TBC1D15: variants seen among roughly 807,000 people sequenced by gnomAD.
The protein encoded by TBC1D15 is TBC1 domain family member 15, also known as GAP for RAB7.
In TBC1D15, 39 loss-of-function variants were observed where a neutral mutation model predicts 95.4. The ratio of observed to expected loss-of-function variants is 0.41; its 90% CI spans 0.32 to 0.53. The LOEUF (loss-of-function observed/expected upper bound fraction) is 0.53. Ranked by LOEUF, TBC1D15 falls within the 20% of genes least tolerant of loss-of-function variation. The probability of loss-of-function intolerance (pLI) is 0.29; values close to 1 mark genes in which losing one functional copy is unlikely to be tolerated. For synonymous variants in TBC1D15, 258 were observed against 261.3 expected (o/e 0.99, Z 0.12); for missense variants, 733 against 794.3 (o/e 0.92, Z 0.93).
At chr12:71,894,303 G>T in intron 6 of TBC1D15, 1 of 1,611,030 alleles carries the variant, frequency 6.2e-7, no homozygotes, top group East Asian at 2.2e-5. Context: ...CACACTTCAA[G>T]AAATATTTTT....
Position 71,839,792 on chromosome 12 carries a change from C to T in TBC1D15, c.11C>T (p.Ala4Val), listed in dbSNP as rs577416716. MAAAGVVSGKIIYE... is the reference protein window; with the variant it reads MAAVGVVSGKIIYE... Reference sequence around the variant, plus strand: ...GCACGCGCAGGAAACATGGCGGCGGCGGGTGTTGTGAGCGGGAAGGTAGGT... The same window carrying T: ...GCACGCGCAGGAAACATGGCGGCGGTGGGTGTTGTGAGCGGGAAGGTAGGT... Residue 4 changes from alanine (A) to valine (V), a missense_variant, in exon 1 of 17, where the codon GCG (alanine) becomes GTG (valine). Coordinates refer to ENST00000485960, the MANE Select transcript of TBC1D15 (RefSeq NM_001146213.3). The T allele has an allele frequency of 7.4e-6, 12 of 1,614,148 alleles. No homozygotes were observed. Among genetic ancestry groups the T allele is most frequent in the Admixed American group, 5.0e-5 (3 of 60,026 alleles).
At chr12:71,896,404 T>A (rs1288361966) in intron 8 of TBC1D15, 2 of 445,042 alleles carry the variant, frequency 4.5e-6, no homozygotes, top group Admixed American at 3.9e-5. Flanking sequence ...TTCTGTAAGA[T>A]TGGGCTTAGA....
intron 1 of TBC1D15, chr12:71,861,307 A>G (rs573120016): frequency 2.7e-5 from 13 of 484,486 alleles, no homozygotes; most frequent in East Asian, 2.1e-4. Flanking sequence ...AATGTTTGGT[A>G]GAATTCCACA....
At position 71,913,852 on chromosome 12, in the gene TBC1D15, C is replaced by G; in HGVS notation, c.1327C>G (p.Leu443Val). 6.3e-7 allele frequency: 1 copy of G among 1,585,620 alleles called. No homozygotes were observed. The highest frequency in any genetic ancestry group is 8.5e-7 in the Non-Finnish European group (1 of 1,171,398). The change falls in exon 12 of 17, where the codon CTT (leucine) becomes GTT (valine). Residue 443 changes from leucine (L) to valine (V), a missense_variant. Coordinates refer to ENST00000485960, the MANE Select transcript of TBC1D15 (RefSeq NM_001146213.3). ...ATATGTTCAAGGAATGAGTGATTTACTTTCCCCTCTTTTATATGTGATGGA... is the reference window on the plus strand; with the variant it reads ...ATATGTTCAAGGAATGAGTGATTTAGTTTCCCCTCTTTTATATGTGATGGA... ...LGYVQGMSDLLSPLLYVMENE... is the reference protein window; with the variant it reads ...LGYVQGMSDLVSPLLYVMENE...
chr12:71,875,270 G>A (rs1893551998), intron 3 of TBC1D15, among the ~76,000 whole-genome samples: 1 of 152,128 alleles, frequency 6.6e-6, no homozygotes, highest in African/African-American at 2.4e-5. Flanking sequence ...ATATATTCTG[G>A]ATATAAATTT....
chr12:71,859,027 T>A (rs185685001), intron 1 of TBC1D15, among the ~76,000 whole-genome samples: 1 of 152,208 alleles, frequency 6.6e-6, no homozygotes, highest in African/African-American at 2.4e-5. Flanking sequence ...TAATTAGCCT[T>A]TCTGGGATGA....
intron 5 of TBC1D15, among the ~76,000 whole-genome samples, chr12:71,888,153 T>C (rs1051405292): frequency 6.6e-6 from 1 of 152,216 alleles, no homozygotes; most frequent in Non-Finnish European, 1.5e-5. Context: ...AAAGCTTGTT[T>C]CCTTTTCTAA....
chr12:71,892,948 T>C (rs1197863817), intron 5 of TBC1D15, among the ~76,000 whole-genome samples: 3 of 151,772 alleles, frequency 2.0e-5, no homozygotes, highest in African/African-American at 4.8e-5. Context: ...TTAATCCTTT[T>C]GGCTTTACCT....
At chr12:71,873,726 G>A (rs1893178199) in intron 3 of TBC1D15, among the ~76,000 whole-genome samples, 3 of 152,258 alleles carry the variant, frequency 2.0e-5, no homozygotes, top group Admixed American at 2.0e-4. Context: ...ATCAACACTT[G>A]TTATTATCTT....
intron 8 of TBC1D15, 40 bp downstream of exon 8, chr12:71,896,115 C>CTAGTAT: frequency 6.6e-7 from 1 of 1,523,604 alleles, no homozygotes; most frequent in Non-Finnish European, 8.9e-7. Flanking sequence ...TTATAAACTC[C>CTAGTAT]TAGTATTTAG....
chr12:71,876,845 C>G (rs920904879), intron 3 of TBC1D15, among the ~76,000 whole-genome samples: 2 of 146,464 alleles, frequency 1.4e-5, no homozygotes, highest in Non-Finnish European at 3.0e-5. Context: ...GAGTCTCTCT[C>G]TGTCTCCCAG....
At chr12:71,884,550 C>G (rs1187717425) in intron 4 of TBC1D15, among the ~76,000 whole-genome samples, 1 of 152,098 alleles carries the variant, frequency 6.6e-6, no homozygotes, top group Admixed American at 6.6e-5. Flanking sequence ...AAGCCATGAT[C>G]AGTTTTTTTG....
intron 10 of TBC1D15, among the ~76,000 whole-genome samples, chr12:71,899,228 C>T (rs910214291): frequency 2.6e-5 from 4 of 152,158 alleles, no homozygotes; most frequent in African/African-American, 9.7e-5. Flanking sequence ...CTGATCCTTT[C>T]CAGGAGACTG....
intron 4 of TBC1D15, among the ~76,000 whole-genome samples, chr12:71,883,567 A>AAAT (rs748631734): frequency 2.4e-4 from 37 of 152,300 alleles, no homozygotes; most frequent in Non-Finnish European, 2.9e-4. Flanking sequence ...AGATCTTATT[A>AAAT]GAGATGATTG....
chr12:71,854,600 A>G (rs935789066), intron 1 of TBC1D15: 1 of 456,704 alleles, frequency 2.2e-6, no homozygotes, highest in Admixed American at 2.3e-5. Context: ...ATTTTAACAG[A>G]TGGTATGTAT....
chr12:71,897,133 A>G (rs1161808814), intron 9 of TBC1D15: 1 of 165,504 alleles, frequency 6.0e-6, no homozygotes, highest in Non-Finnish European at 1.3e-5. Context: ...TGAAATTATA[A>G]ATGGCTCATA....
Position 71,921,454 on chromosome 12 carries a change from G to A in TBC1D15, c.1803G>A (p.Lys601=), listed in dbSNP as rs772843422. The A allele has an allele frequency of 1.3e-6, 2 of 1,504,476 alleles. No homozygotes were observed. Among genetic ancestry groups the A allele is most frequent in the Admixed American group, 1.9e-5 (1 of 52,978 alleles). The allele number at this position is 1,504,476 out of a possible 1,614,324, so 93.2% of individuals were successfully genotyped here. The part of the protein sequence containing the change: ...EAISLQMVKC[K]ELPQAVCEIL... ...TTTCTCTACAGATGGTAAAATGCAA[G>A]GTATACAGTGTTTCAAGTAATTGCA... Residue 601 remains lysine, a splice_region_variant and synonymous_variant, in exon 16 of 17, where the codon AAG becomes AAA. Coordinates refer to ENST00000485960, the MANE Select transcript of TBC1D15 (RefSeq NM_001146213.3).
chr12:71,877,721 G>A (rs1894267485), intron 3 of TBC1D15, among the ~76,000 whole-genome samples: 1 of 152,028 alleles, frequency 6.6e-6, no homozygotes, highest in African/African-American at 2.4e-5. Flanking sequence ...AATAGCATTA[G>A]CATTCTGTTC....
At chr12:71,885,056 A>G in intron 5 of TBC1D15, 35 bp downstream of exon 5, 1 of 1,600,336 alleles carries the variant, frequency 6.2e-7, no homozygotes, top group Non-Finnish European at 8.5e-7. Flanking sequence ...TATTGAAACC[A>G]GATCATTGTA....
Sources: allele counts gnomAD v4.1 joint callset (sites outside exome capture counted in the v4.1 genomes callset), GRCh38; gene constraint gnomAD v4.1.1; transcripts MANE v1.5; gene names NCBI Gene and HGNC (gene_info 2026-07-23, HGNC 2026-07-21).